The following RAB43 variants were observed in gnomAD, a reference collection of about 807,000 sequenced individuals.
RAB43 encodes the protein ras-related protein Rab-43.
RAB43 carries 6 observed loss-of-function variants against 18.8 expected under a neutral mutation model. The ratio of observed to expected loss-of-function variants is 0.32; its 90% CI spans 0.17 to 0.63. RAB43 has a LOEUF of 0.63. Among genes scored for constraint, RAB43 ranks in the 30% least tolerant of loss-of-function variants. The probability of loss-of-function intolerance (pLI) is 0.79; values close to 1 mark genes in which losing one functional copy is unlikely to be tolerated. For synonymous variants in RAB43, 103 were observed against 124.1 expected (o/e 0.83, Z 1.13); for missense variants, 195 against 289.1 (o/e 0.67, Z 2.36).
intron 1 of RAB43, among the ~76,000 whole-genome samples, chr3:129,097,374 A>T (rs1263417452): frequency 6.6e-6 from 1 of 152,228 alleles, no homozygotes; most frequent in Non-Finnish European, 1.5e-5. Context: ...TAGACAGCCA[A>T]CAAAACAATG....
At chr3:129,122,040 A>C (rs2107592727), upstream of RAB43, 2 of 120,048 alleles carry the variant, frequency 1.7e-5, 1 homozygote, top group South Asian at 3.8e-4. Context: ...CTCCGCCCAC[A>C]GGACCACCTC....
intron 1 of RAB43, among the ~76,000 whole-genome samples, chr3:129,115,025 G>GA (rs1350295538): frequency 5.3e-5 from 8 of 151,886 alleles, no homozygotes; most frequent in Admixed American, 5.2e-4. Context: ...ACCAACATCA[G>GA]TTCCCATCTG....
At chr3:129,100,800 A>G (rs1220318375) in intron 1 of RAB43, among the ~76,000 whole-genome samples, 1 of 151,908 alleles carries the variant, frequency 6.6e-6, no homozygotes, top group Non-Finnish European at 1.5e-5. Flanking sequence ...CTAGGCTAAA[A>G]CTTCATTCTG....
chr3:129,095,213 A>T lies in RAB43; in HGVS notation c.205-44T>A. 1 of 1,591,718 alleles carries T rather than the reference A, an allele frequency of 6.3e-7. No homozygotes were observed. Among genetic ancestry groups the T allele is most frequent in the South Asian group, 1.1e-5 (1 of 87,090 alleles). On this transcript the variant is annotated intron_variant, in intron 1 of 2. Transcript: ENST00000315150. This position sits in a 1 kb window ranked among gnomAD's most constrained non-coding sequence, Gnocchi z 4.2. ...TCAGTGAACCCAGTGGCACAGGCTG[A>T]ACATGGGGACAGGCAGAGTGACCCC...
At position 129,107,638 on chromosome 3, in the gene RAB43, C is replaced by G. The variant is rs1442924418; in HGVS notation, c.205-12469G>C. On this transcript the variant is annotated intron_variant, in intron 1 of 2. Transcript: ENST00000315150. The surrounding 1 kb of genome is among the most constrained non-coding windows in gnomAD (Gnocchi z 4.2). The stretch of plus-strand genomic sequence containing the variant: ...GACAGCATCCTCAGAGTCAGGGCTG[C>G]AAGTGCCAGTGTCCCTGGTAGACAG... Among the ~76,000 whole-genome samples, 1 of 152,166 alleles carries G rather than the reference C, an allele frequency of 6.6e-6. No individual in the cohort carries two copies. The highest frequency in any genetic ancestry group is 1.5e-5 in the Non-Finnish European group (1 of 68,032).
chr3:129,118,747 G>A (rs181420605), intron 1 of RAB43, among the ~76,000 whole-genome samples: 11 of 152,208 alleles, frequency 7.2e-5, no homozygotes, highest in East Asian at 1.9e-4. Flanking sequence ...GGCTCATCTC[G>A]AACTCTTGAC....
intron 1 of RAB43, among the ~76,000 whole-genome samples, chr3:129,105,152 G>A (rs916610740): frequency 3.9e-5 from 6 of 152,196 alleles, no homozygotes; most frequent in Non-Finnish European, 7.3e-5. Flanking sequence ...AAGTTCAATA[G>A]TAACAAACCA....
At position 129,121,472 on chromosome 3, in the gene RAB43, T is replaced by C; in HGVS notation, c.18A>G (p.Pro6=). ...ACTGCTCGTCCGGGTCCCCCGGGCC[T>C]GGGCCCGGCCCTGCCATGGCCTAGA... MAGPG[P]GPGDPDEQYD... Residue 6 remains proline, a synonymous_variant, in exon 1 of 3, where the codon CCA becomes CCG. Transcript: ENST00000315150. 1 of 1,611,242 alleles carries C rather than the reference T, an allele frequency of 6.2e-7. No individual in the cohort carries two copies. The highest frequency in any genetic ancestry group is 8.5e-7 in the Non-Finnish European group (1 of 1,178,904).
intron 1 of RAB43, among the ~76,000 whole-genome samples, chr3:129,109,427 C>T (rs985843248): frequency 7.1e-6 from 1 of 141,420 alleles, no homozygotes; most frequent in East Asian, 2.2e-4. Flanking sequence ...AAAAAAAAAT[C>T]AATGTCATTT....
Position 129,107,622 on chromosome 3 carries a change from C to T in RAB43, c.205-12453G>A, listed in dbSNP as rs1194609996. On this transcript the variant is annotated intron_variant, in intron 1 of 2. Coordinates refer to ENST00000315150, the MANE Select transcript of RAB43 (RefSeq NM_198490.3). This position sits in a 1 kb window ranked among gnomAD's most constrained non-coding sequence, Gnocchi z 4.2. ...GTTTTCAGCAAACATTGACAGCATC[C>T]TCAGAGTCAGGGCTGCAAGTGCCAG... 6.6e-6 allele frequency among the ~76,000 whole-genome samples: 1 copy of T among 152,142 alleles called. No homozygotes were observed. Among genetic ancestry groups the T allele is most frequent in the Non-Finnish European group, 1.5e-5 (1 of 68,026 alleles).
chr3:129,100,757 A>G (rs1414189819), intron 1 of RAB43, among the ~76,000 whole-genome samples: 1 of 152,202 alleles, frequency 6.6e-6, no homozygotes, highest in Non-Finnish European at 1.5e-5. Context: ...GCCTGAGCTC[A>G]TGACCTGATG....
At chr3:129,103,876 C>T (rs1934587016) in intron 1 of RAB43, among the ~76,000 whole-genome samples, 1 of 152,160 alleles carries the variant, frequency 6.6e-6, no homozygotes, top group Non-Finnish European at 1.5e-5. Context: ...AGAGGCCTTT[C>T]TTAAAAGAGC....
chr3:129,093,681 A>G (rs1933829079), intron 2 of RAB43, among the ~76,000 whole-genome samples: 1 of 152,182 alleles, frequency 6.6e-6, no homozygotes, highest in Admixed American at 6.5e-5. Context: ...CAAGCACTCC[A>G]TGTCCTAGTC....
intron 1 of RAB43, among the ~76,000 whole-genome samples, chr3:129,102,745 A>G (rs1934508768): frequency 6.6e-6 from 1 of 152,158 alleles, no homozygotes; most frequent in Admixed American, 6.5e-5. Flanking sequence ...TATATTCCAA[A>G]AGAGGAGGCG....
chr3:129,094,515 T>C, intron 2 of RAB43, among the ~76,000 whole-genome samples: 1 of 105,730 alleles, frequency 9.5e-6, no homozygotes. Context: ...CTTTTTTTTT[T>C]TTTTTTTTTT....
At chr3:129,098,520 CAAAG>C (rs1162196662) in intron 1 of RAB43, among the ~76,000 whole-genome samples, 3 of 152,004 alleles carry the variant, frequency 2.0e-5, no homozygotes, top group Admixed American at 2.0e-4. Flanking sequence ...GCTAAACGTG[CAAAG>C]AAACAGGAAA....
At chr3:129,111,007 A>G (rs1935132794) in intron 1 of RAB43, among the ~76,000 whole-genome samples, 1 of 152,088 alleles carries the variant, frequency 6.6e-6, no homozygotes, top group Non-Finnish European at 1.5e-5. Context: ...CTTGTACCAC[A>G]AATGCACAGC....
chr3:129,100,211 A>G (rs1441042624), intron 1 of RAB43, among the ~76,000 whole-genome samples: 1 of 152,248 alleles, frequency 6.6e-6, no homozygotes, highest in African/African-American at 2.4e-5. Context: ...AATGCTGAGA[A>G]GTGCTAAAAA....
intron 1 of RAB43, among the ~76,000 whole-genome samples, chr3:129,115,915 A>G (rs1463002011): frequency 1.3e-5 from 2 of 152,342 alleles, no homozygotes; most frequent in African/African-American, 4.8e-5. Flanking sequence ...ATCTCACGCC[A>G]TCCTGCTCCG....
Sources: gnomAD v4.1 joint callset for allele counts (sites outside exome capture counted in the v4.1 genomes callset) on GRCh38, gnomAD v4.1.1 for gene constraint, Gnocchi (gnomAD v3.1) non-coding constraint, MANE v1.5 for transcripts, NCBI Gene and HGNC (gene_info 2026-07-23, HGNC 2026-07-21) for gene names.